The following BUD23 variants were observed in gnomAD, a reference collection of about 807,000 sequenced individuals.
BUD23 encodes the protein BUD23 rRNA methyltransferase and ribosome maturation factor.
In BUD23, 34 loss-of-function variants were observed where a neutral mutation model predicts 47.0. The observed-to-expected ratio is 0.72, with a 90% confidence interval of 0.55 to 0.96. The LOEUF is 0.96. Ranked by LOEUF, BUD23 falls within the 40% of genes least tolerant of loss-of-function variation. The probability of loss-of-function intolerance (pLI) is 0.00; values close to 1 mark genes in which losing one functional copy is unlikely to be tolerated. For synonymous variants in BUD23, 124 were observed against 132.0 expected, an observed-to-expected ratio of 0.94 and a Z score of 0.41; for missense variants, 343 against 361.2, an observed-to-expected ratio of 0.95 and a Z score of 0.41.
At chr7:73,689,918 G>A (rs1231318704) in intron 5 of BUD23, among the ~76,000 whole-genome samples, 3 of 152,142 alleles carry the variant, frequency 2.0e-5, no homozygotes, top group Admixed American at 2.0e-4. Flanking sequence ...GAGGCTGTGG[G>A]ACAAGCCAGT....
chr7:73,689,950 G>C (rs1435102740), intron 5 of BUD23, among the ~76,000 whole-genome samples: 1 of 152,128 alleles, frequency 6.6e-6, no homozygotes, highest in African/African-American at 2.4e-5. Context: ...AGGGCTCTGT[G>C]TGTGTACAGC....
At chr7:73,696,273 C>T (rs1001220) in intron 10 of BUD23, 88,058 of 152,058 alleles carry the variant, frequency 0.58, 25,771 homozygotes, top group Middle Eastern at 0.74. Flanking sequence ...TTTCCCTAGT[C>T]CATTCCCCAT....
At chr7:73,686,974 T>C (rs1554613155) in intron 4 of BUD23, 25 bp from the exon 5 acceptor site, 2 of 1,614,188 alleles carry the variant, frequency 1.2e-6, no homozygotes, top group East Asian at 4.5e-5. Flanking sequence ...TTTCTCTTTC[T>C]CTGACTGCCT....
At chr7:73,687,216 G>A in intron 5 of BUD23, 121 bp downstream of exon 5, 2 of 1,009,634 alleles carry the variant, frequency 2.0e-6, no homozygotes, top group South Asian at 1.5e-5. Context: ...CTGGGTTCAG[G>A]TGATCTGCCC....
rs1797985618 is a variant in BUD23 at position 73,686,708 on chromosome 7, G to A, written c.159G>A (p.Lys53=). The A allele has an allele frequency of 3.1e-6, 5 of 1,614,064 alleles. No homozygotes were observed. Among genetic ancestry groups the A allele is most frequent in the South Asian group, 1.1e-5 (1 of 91,088 alleles). ...AGCTTCTTTATCTGCCAGAGAATAA[G>A]CCCTGTTACCTGCTGGATATTGGGT... ...ALELLYLPEN[K]PCYLLDIGCG... The change falls in exon 3 of 12, where the codon AAG becomes AAA. Residue 53 remains lysine (K), a synonymous_variant. Transcript: ENST00000265758.
At position 73,686,882 on chromosome 7, in the gene BUD23, A is replaced by G; in HGVS notation, c.247A>G (p.Ile83Val). 1 of 1,614,204 alleles carries G rather than the reference A, an allele frequency of 6.2e-7. No homozygotes were observed. The highest frequency in any genetic ancestry group is 8.5e-7 in the Non-Finnish European group (1 of 1,180,030). ...DEGHYWVGLDISPAMLDEAVD... is the reference protein window; with the variant it reads ...DEGHYWVGLDVSPAMLDEAVD... Reference sequence around the variant, plus strand: ...AGGGCACTATTGGGTGGGCCTGGATATCAGCCCTGCCATGCTGGGTAAGTA... The same window carrying G: ...AGGGCACTATTGGGTGGGCCTGGATGTCAGCCCTGCCATGCTGGGTAAGTA... Residue 83 changes from isoleucine (I) to valine (V), a missense_variant, in exon 4 of 12, where the codon ATC becomes GTC. Coordinates refer to ENST00000265758, the MANE Select transcript of BUD23 (RefSeq NM_017528.5).
Position 73,686,725 on chromosome 7 carries a change from A to T in BUD23, c.176A>T (p.Asp59Val). The T allele has an allele frequency of 1.9e-6, 3 of 1,614,034 alleles. No individual in the cohort carries two copies. The highest frequency in any genetic ancestry group is 2.5e-6 in the Non-Finnish European group (3 of 1,180,016). The stretch of plus-strand genomic sequence containing the variant: ...GAGAATAAGCCCTGTTACCTGCTGG[A>T]TATTGGGTGAGATTCTGGGGCCTGG... ...LPENKPCYLLDIGCGTGLSGS... is the reference protein window; with the variant it reads ...LPENKPCYLLVIGCGTGLSGS... Residue 59 changes from aspartate (D) to valine (V), a missense_variant, in exon 3 of 12, where the codon GAT becomes GTT. Transcript: ENST00000265758.
At position 73,698,136 on chromosome 7, in the gene BUD23, G is replaced by GAAA. The variant is rs373910695; in HGVS notation, c.*250_*251insAAA. On this transcript the variant is annotated 3_prime_UTR_variant, in exon 12 of 12. Transcript: ENST00000265758. ...CATAATGAAACTTCCTTTCCAGGGA[G>GAAA]GAAAAAAAAAAAAAAAAAAAGCTCT... The GAAA allele has an allele frequency of 3.0e-3, 330 of 109,314 alleles. 57 individuals are homozygous for GAAA. The highest frequency in any genetic ancestry group is 0.01 in the Middle Eastern group (2 of 198). 6.8% of individuals were successfully genotyped at this position (109,314 alleles called of 1,614,324 possible). A position where few individuals can be genotyped will look rare whatever the true frequency, so the allele number is the denominator to read the frequency against.
intron 10 of BUD23, 114 bp from the exon 11 acceptor site, chr7:73,697,491 G>A (rs782353682): frequency 1.3e-6 from 2 of 1,568,024 alleles, no homozygotes; most frequent in Non-Finnish European, 1.7e-6. Flanking sequence ...TGAGAGAAGG[G>A]GCATCCGAGG....
Position 73,683,651 on chromosome 7 carries a change from A to C in BUD23, c.26A>C (p.Glu9Ala). The C allele has an allele frequency of 6.2e-7, 1 of 1,612,680 alleles. No individual in the cohort carries two copies. Among genetic ancestry groups the C allele is most frequent in the Non-Finnish European group, 8.5e-7 (1 of 1,179,558 alleles). Residue 9 changes from glutamate (E) to alanine (A), a missense_variant, in exon 1 of 12, where the codon GAG (glutamate) becomes GCG (alanine). Physicochemically the swap from Glu to Ala is moderately radical, Grantham distance 107. Transcript: ENST00000265758. MASRGRRP[E>A]HGGPPELFYD... ...ATGGCGTCCCGCGGCCGGCGTCCGG[A>C]GCATGGCGGACCCCCAGAGCTGGTA...
chr7:73,693,031 A>C, intron 7 of BUD23: 1 of 553,714 alleles, frequency 1.8e-6, no homozygotes, highest in African/African-American at 1.9e-5. Context: ...CTGACTAATA[A>C]CATGAATGAC....
rs1798005248 is a variant in BUD23 at position 73,687,096 on chromosome 7, G to C, written c.362+1G>C. On this transcript the variant is annotated splice_donor_variant, in intron 5 of 11. Coordinates refer to ENST00000265758, the MANE Select transcript of BUD23 (RefSeq NM_017528.5). LOFTEE classifies it high-confidence loss of function. ...CAGGCACATTTGATGGTTGCATCAG[G>C]TGAGGGTCTTTAATTCCTGCTTTTA... The C allele has an allele frequency of 6.2e-7, 1 of 1,613,170 alleles. No homozygotes were observed. Among genetic ancestry groups the C allele is most frequent in the Non-Finnish European group, 8.5e-7 (1 of 1,179,998 alleles).
intron 2 of BUD23, among the ~76,000 whole-genome samples, chr7:73,686,249 G>A (rs2116671377): frequency 6.6e-6 from 1 of 152,336 alleles, no homozygotes; most frequent in Middle Eastern, 3.4e-3. Flanking sequence ...CCTTCTAGAT[G>A]AGAGAAACTA....
intron 2 of BUD23, among the ~76,000 whole-genome samples, chr7:73,686,304 C>T (rs1797964610): frequency 1.3e-5 from 2 of 152,182 alleles, no homozygotes; most frequent in Non-Finnish European, 2.9e-5. Flanking sequence ...AGTGCTAGAG[C>T]AGCCCAGCCT....
chr7:73,683,855 G>A (rs1554612260), intron 2 of BUD23, 51 bp downstream of exon 2: 7 of 1,613,996 alleles, frequency 4.3e-6, no homozygotes, highest in Non-Finnish European at 5.1e-6. Context: ...GAAGCGGCAA[G>A]TTGCCCCTGT....
chr7:73,685,737 A>C (rs1204199823), intron 2 of BUD23, among the ~76,000 whole-genome samples: 1 of 151,574 alleles, frequency 6.6e-6, no homozygotes, highest in Non-Finnish European at 1.5e-5. Context: ...TTATATGTTG[A>C]AGTGATATTT....
At chr7:73,692,283 C>G (rs1472698654) in intron 6 of BUD23, among the ~76,000 whole-genome samples, 1 of 152,198 alleles carries the variant, frequency 6.6e-6, no homozygotes, top group African/African-American at 2.4e-5. Flanking sequence ...AATCTCTGCT[C>G]AAGTATCCAT....
At chr7:73,695,160 C>A in intron 10 of BUD23, 1 of 152,588 alleles carries the variant, frequency 6.6e-6, no homozygotes, top group South Asian at 2.1e-4. Flanking sequence ...CCATGTTGTT[C>A]AGGCTGATCT....
rs1798009612 is a variant in BUD23 at position 73,687,230 on chromosome 7, T to A, written c.362+135T>A. 3 of 912,402 alleles carry A rather than the reference T, an allele frequency of 3.3e-6. No individual in the cohort carries two copies. In the Admixed American group the frequency reaches 7.2e-5, roughly 22 times the overall value. The allele number at this position is 912,402 out of a possible 1,614,324, so 56.5% of individuals were successfully genotyped here. A position where few individuals can be genotyped will look rare whatever the true frequency, so the allele number is the denominator to read the frequency against. On this transcript the variant is annotated intron_variant, in intron 5 of 11. Transcript: ENST00000265758. ...CCTGGGTTCAGGTGATCTGCCCACC[T>A]CAGTCTCCTGAGTAGCTGGGACTAC...
Sources: allele counts gnomAD v4.1 joint callset (sites outside exome capture counted in the v4.1 genomes callset), GRCh38; gene constraint gnomAD v4.1.1; transcripts MANE v1.5; gene names NCBI Gene and HGNC (gene_info 2026-07-23, HGNC 2026-07-21).